EDIL3: variants seen among roughly 807,000 people sequenced by gnomAD.
EDIL3 encodes the protein EGF-like repeat and discoidin I-like domain-containing protein 3.
A neutral mutation model predicts 67.4 loss-of-function variants in EDIL3; 37 were observed. The observed-to-expected ratio is 0.55, with a 90% CI of 0.42 to 0.72. The LOEUF is 0.72. Ranked by LOEUF, EDIL3 falls within the 30% of genes least tolerant of loss-of-function variation. The pLI, the probability that EDIL3 is intolerant of heterozygous loss-of-function variation, is 0.00. For synonymous variants in EDIL3, 195 were observed against 196.3 expected, an observed-to-expected ratio of 0.99 and a Z score of 0.05; for missense variants, 527 against 586.3, an observed-to-expected ratio of 0.90 and a Z score of 1.04.
At chr5:84,184,123 A>G (rs1749061071) in intron 3 of EDIL3, among the ~76,000 whole-genome samples, 2 of 152,112 alleles carry the variant, frequency 1.3e-5, no homozygotes, top group African/African-American at 4.8e-5. Context: ...AACAACAACA[A>G]AACAACAACA....
At chr5:84,064,647 A>C in intron 8 of EDIL3, 53 bp downstream of exon 8, 1 of 1,556,988 alleles carries the variant, frequency 6.4e-7, no homozygotes, top group South Asian at 1.2e-5. Context: ...ACATACAAAT[A>C]TGCTTTTTGT....
intron 9 of EDIL3, among the ~76,000 whole-genome samples, chr5:83,984,848 G>C (rs1745031185): frequency 6.6e-6 from 1 of 151,926 alleles, no homozygotes; most frequent in South Asian, 2.1e-4. Context: ...TAGGTGTTTT[G>C]TTGAAGGAGA....
intron 5 of EDIL3, among the ~76,000 whole-genome samples, chr5:84,109,701 CA>C (rs905145616): frequency 6.6e-6 from 1 of 152,008 alleles, no homozygotes; most frequent in Non-Finnish European, 1.5e-5. Context: ...CAAAAACAAA[CA>C]AAAATACCCC....
intron 4 of EDIL3, among the ~76,000 whole-genome samples, chr5:84,178,769 G>A (rs530663033): frequency 1.3e-5 from 2 of 152,196 alleles, no homozygotes; most frequent in African/African-American, 2.4e-5. Context: ...TTCTAATAAT[G>A]CAATGCAGAA....
intron 9 of EDIL3, among the ~76,000 whole-genome samples, chr5:84,034,576 C>T (rs760220827): frequency 4.6e-5 from 7 of 152,112 alleles, no homozygotes; most frequent in Non-Finnish European, 8.8e-5. Flanking sequence ...ATAATTTTAC[C>T]TACCATATCC....
At chr5:84,019,663 T>A (rs1376675789) in intron 9 of EDIL3, among the ~76,000 whole-genome samples, 3 of 152,126 alleles carry the variant, frequency 2.0e-5, no homozygotes, top group Non-Finnish European at 4.4e-5. Context: ...ATTGCAAAGA[T>A]CTTCATTCCT....
chr5:84,287,141 T>C (rs534176237), intron 1 of EDIL3, among the ~76,000 whole-genome samples: 1 of 152,338 alleles, frequency 6.6e-6, no homozygotes, highest in East Asian at 1.9e-4. Flanking sequence ...TTGAATGGTA[T>C]AATAGATGCA....
At chr5:84,252,512 A>AAAAAAAAAAAAAAAAAAAAAAAAAAAC (rs1745044685) in intron 2 of EDIL3, among the ~76,000 whole-genome samples, 1 of 148,366 alleles carries the variant, frequency 6.7e-6, no homozygotes, top group Non-Finnish European at 1.5e-5. Context: ...AAAAAAAAAA[A>AAAAAAAAAAAAAAAAAAAAAAAAAAAC]AAAAAATTCT....
intron 4 of EDIL3, among the ~76,000 whole-genome samples, chr5:84,161,448 G>A (rs1748611926): frequency 1.3e-5 from 2 of 151,758 alleles, no homozygotes; most frequent in Non-Finnish European, 2.9e-5. Context: ...GAGCACTGGG[G>A]TTTCTCATTA....
intron 9 of EDIL3, among the ~76,000 whole-genome samples, chr5:83,976,331 A>G (rs1317986045): frequency 2.0e-5 from 3 of 151,870 alleles, no homozygotes; most frequent in African/African-American, 7.2e-5. Flanking sequence ...ATTCTGAAAT[A>G]ACACTTTTTT....
chr5:84,074,147 G>A (rs1260959565), intron 6 of EDIL3, among the ~76,000 whole-genome samples: 2 of 151,622 alleles, frequency 1.3e-5, no homozygotes. Context: ...CTAGCCATAT[G>A]TAGAAAGCGG....
intron 1 of EDIL3, among the ~76,000 whole-genome samples, chr5:84,277,615 A>C (rs533639970): frequency 2.6e-5 from 4 of 152,222 alleles, no homozygotes; most frequent in Non-Finnish European, 5.9e-5. Flanking sequence ...ATTCAGTATG[A>C]GTGCCATAAC....
At chr5:84,339,601 C>CCG (rs1747058223) in intron 1 of EDIL3, among the ~76,000 whole-genome samples, 1 of 113,828 alleles carries the variant, frequency 8.8e-6, no homozygotes, top group Non-Finnish European at 2.0e-5. Context: ...TTTTAAAATA[C>CCG]TGTGTTTTTT....
At chr5:84,031,233 G>C (rs981250303) in intron 9 of EDIL3, among the ~76,000 whole-genome samples, 3 of 152,010 alleles carry the variant, frequency 2.0e-5, no homozygotes, top group Non-Finnish European at 2.9e-5. Context: ...ATAAATTTTG[G>C]GGCGACACAA....
intron 1 of EDIL3, among the ~76,000 whole-genome samples, chr5:84,325,364 C>A (rs988454565): frequency 6.6e-6 from 1 of 151,510 alleles, no homozygotes; most frequent in Non-Finnish European, 1.5e-5. Context: ...ATACAAATGG[C>A]CAACAAACAC....
chr5:84,017,413 T>C lies in EDIL3; in HGVS notation c.1137+42887A>G, dbSNP rs1443737057. ...AAACATGTAACCAACACTCTGTGAC[T>C]TCACTAGGATCACAATAACCTGAAC... On this transcript the variant is annotated intron_variant, in intron 9 of 10. Coordinates refer to ENST00000296591, the MANE Select transcript of EDIL3 (RefSeq NM_005711.5). 2.0e-5 allele frequency among the ~76,000 whole-genome samples: 3 copies of C among 152,220 alleles called. No homozygotes were observed. In the East Asian group the frequency reaches 5.8e-4, roughly 29 times the overall value.
At chr5:84,081,893 G>C (rs1345447546) in intron 6 of EDIL3, among the ~76,000 whole-genome samples, 3 of 152,212 alleles carry the variant, frequency 2.0e-5, no homozygotes, top group East Asian at 3.9e-4. Flanking sequence ...CTCACCACAG[G>C]GTCCATATGA....
intron 3 of EDIL3, among the ~76,000 whole-genome samples, chr5:84,188,690 T>A (rs577815251): frequency 1.3e-5 from 2 of 151,934 alleles, no homozygotes; most frequent in South Asian, 4.2e-4. Flanking sequence ...CTTAATCCAA[T>A]TGGACTGGTG....
chr5:84,327,604 A>G (rs1746789266), intron 1 of EDIL3, among the ~76,000 whole-genome samples: 1 of 151,820 alleles, frequency 6.6e-6, no homozygotes, highest in Non-Finnish European at 1.5e-5. Flanking sequence ...TGTTCTTTGG[A>G]GTTTGTTTTT....
Sources: gnomAD v4.1 joint callset for allele counts (sites outside exome capture counted in the v4.1 genomes callset) on GRCh38, gnomAD v4.1.1 for gene constraint, MANE v1.5 for transcripts, NCBI Gene and HGNC (gene_info 2026-07-23, HGNC 2026-07-21) for gene names.